Variants in SYNDIG1 observed in about 807,000 individuals in gnomAD.
SYNDIG1 encodes synapse differentiation inducing 1, also known as synapse differentiation-inducing gene protein 1.
Under a neutral mutation model 19.4 loss-of-function variants are expected in SYNDIG1, and 9 were observed. The ratio of observed to expected loss-of-function variants is 0.46; its 90% confidence interval spans 0.28 to 0.81. The LOEUF (loss-of-function observed/expected upper bound fraction) is 0.81. SYNDIG1 is among the 30% of genes least tolerant of loss of function. The pLI, the probability that SYNDIG1 is intolerant of heterozygous loss-of-function variation, is 0.12. For synonymous variants in SYNDIG1, 141 were observed against 145.9 expected, an observed-to-expected ratio of 0.97 and a Z score of 0.24; for missense variants, 311 against 343.3, an observed-to-expected ratio of 0.91 and a Z score of 0.74.
intron 1 of SYNDIG1, among the ~76,000 whole-genome samples, chr20:24,472,630 C>T (rs557593551): frequency 9.2e-5 from 14 of 152,342 alleles, no homozygotes; most frequent in African/African-American, 3.4e-4. Flanking sequence ...CTCCAGGTCA[C>T]ACCTGCTCTG....
intron 3 of SYNDIG1, among the ~76,000 whole-genome samples, chr20:24,619,101 G>A (rs976030698): frequency 5.3e-5 from 8 of 152,118 alleles, no homozygotes; most frequent in South Asian, 4.1e-4. Flanking sequence ...CTGCCAAAAG[G>A]GTTAAAGAAA....
chr20:24,558,276 A>T (rs1200598731), intron 2 of SYNDIG1, among the ~76,000 whole-genome samples: 1 of 152,206 alleles, frequency 6.6e-6, no homozygotes, highest in South Asian at 2.1e-4. Context: ...AAAATTGTCT[A>T]CTGGACTATT....
chr20:24,523,466 T>C (rs2057051164), intron 1 of SYNDIG1, among the ~76,000 whole-genome samples: 1 of 152,188 alleles, frequency 6.6e-6, no homozygotes, highest in South Asian at 2.1e-4. Flanking sequence ...AGATTCTAAA[T>C]GTTAAATTAC....
chr20:24,610,407 G>A (rs538034891), intron 3 of SYNDIG1, among the ~76,000 whole-genome samples: 2 of 152,288 alleles, frequency 1.3e-5, no homozygotes, highest in African/African-American at 2.4e-5. Context: ...CGGATCACCC[G>A]CCGTGGGCAC....
intron 1 of SYNDIG1, among the ~76,000 whole-genome samples, chr20:24,521,346 T>C (rs1369513041): frequency 1.3e-5 from 2 of 152,120 alleles, no homozygotes; most frequent in Non-Finnish European, 2.9e-5. Context: ...CTTACTCTGT[T>C]GCCCAGGCTG....
chr20:24,598,324 A>C (rs2058627738), intron 3 of SYNDIG1, among the ~76,000 whole-genome samples: 1 of 152,236 alleles, frequency 6.6e-6, no homozygotes, highest in Non-Finnish European at 1.5e-5. Flanking sequence ...CATTTTACAG[A>C]TGATAAATTT....
rs775039229 is a variant in SYNDIG1, at chr20:24,584,920, T to A, written c.545T>A (p.Leu182Gln). The A allele has an allele frequency of 1.2e-6, 2 of 1,614,082 alleles. No homozygotes were observed. The highest frequency in any genetic ancestry group is 1.7e-6 in the Non-Finnish European group (2 of 1,180,024). The change falls in exon 3 of 4, where the codon CTG becomes CAG. Residue 182 changes from leucine (L) to glutamine (Q), a missense_variant. Leu to Gln is a moderately radical substitution (Grantham distance 113). Transcript: ENST00000376862. ...CTCATGATGCCCCCGCGGGACCACC[T>A]GGGCCTCAGTGTCTTCTCCATGCTC... ...NFLMMPPRDHLGLSVFSMLCC... is the reference protein window; with the variant it reads ...NFLMMPPRDHQGLSVFSMLCC...
chr20:24,551,034 G>A (rs972880092), intron 2 of SYNDIG1, among the ~76,000 whole-genome samples: 1 of 152,038 alleles, frequency 6.6e-6, no homozygotes, highest in African/African-American at 2.4e-5. Context: ...AGAATAAGTT[G>A]GGAATTATTT....
chr20:24,650,107 A>C (rs561321585), intron 3 of SYNDIG1, among the ~76,000 whole-genome samples: 1 of 152,306 alleles, frequency 6.6e-6, no homozygotes, highest in Middle Eastern at 3.4e-3. Context: ...TGCAGGCAGC[A>C]GGGCACTGGG....
chr20:24,505,996 G>A (rs911204601), intron 1 of SYNDIG1, among the ~76,000 whole-genome samples: 1 of 152,234 alleles, frequency 6.6e-6, no homozygotes. Context: ...TAGGTGCCAG[G>A]ATGGCAGGAA....
intron 1 of SYNDIG1, among the ~76,000 whole-genome samples, chr20:24,512,539 T>A (rs569520889): frequency 1.3e-5 from 2 of 151,964 alleles, no homozygotes; most frequent in East Asian, 3.9e-4. Context: ...GCCTCGCTCA[T>A]TGCTAGCACA....
intron 3 of SYNDIG1, among the ~76,000 whole-genome samples, chr20:24,597,423 T>G (rs1287175041): frequency 1.3e-5 from 2 of 152,172 alleles, no homozygotes; most frequent in Non-Finnish European, 2.9e-5. Flanking sequence ...CCACAGCATT[T>G]CTTCCACTTT....
intron 1 of SYNDIG1, chr20:24,491,393 T>C (rs1022878023): frequency 2.6e-5 from 4 of 152,268 alleles, no homozygotes; most frequent in Non-Finnish European, 5.9e-5. Context: ...TCACTTGCCG[T>C]AGGTTGACAG....
chr20:24,637,226 T>G (rs1600808818), intron 3 of SYNDIG1, among the ~76,000 whole-genome samples: 1 of 152,150 alleles, frequency 6.6e-6, no homozygotes, highest in African/African-American at 2.4e-5. Flanking sequence ...GCCAAATACA[T>G]AGTGAACAGA....
chr20:24,471,106 A>AGGT (rs1184664067), intron 1 of SYNDIG1, among the ~76,000 whole-genome samples: 1 of 151,920 alleles, frequency 6.6e-6, no homozygotes, highest in Non-Finnish European at 1.5e-5. Flanking sequence ...CCAAAGAAGG[A>AGGT]GGTGGTGTGT....
chr20:24,497,416 G>T (rs2056330979), intron 1 of SYNDIG1, among the ~76,000 whole-genome samples: 1 of 152,180 alleles, frequency 6.6e-6, no homozygotes, highest in South Asian at 2.1e-4. Flanking sequence ...GGTCAGGCTG[G>T]TCTTGAACTC....
chr20:24,567,898 C>A (rs1049781160), intron 2 of SYNDIG1, among the ~76,000 whole-genome samples: 2 of 152,194 alleles, frequency 1.3e-5, no homozygotes, highest in African/African-American at 4.8e-5. Context: ...CTTTGGGAGG[C>A]CAAGACAGGA....
intron 3 of SYNDIG1, among the ~76,000 whole-genome samples, chr20:24,616,658 C>G (rs529311474): frequency 6.6e-6 from 1 of 152,218 alleles, no homozygotes; most frequent in African/African-American, 2.4e-5. Flanking sequence ...CAGAAAGGAG[C>G]AGGTGCAGGG....
intron 2 of SYNDIG1, among the ~76,000 whole-genome samples, chr20:24,569,372 G>C (rs941531426): frequency 1.3e-5 from 2 of 152,066 alleles, no homozygotes; most frequent in Non-Finnish European, 2.9e-5. Context: ...TTTTCCATCT[G>C]GTCTTATGTT....
Sources: allele counts gnomAD v4.1 joint callset (sites outside exome capture counted in the v4.1 genomes callset), GRCh38; gene constraint gnomAD v4.1.1; transcripts MANE v1.5; gene names NCBI Gene and HGNC (gene_info 2026-07-23, HGNC 2026-07-21).